Variants in ADGRG5 observed in about 807,000 individuals in gnomAD.
ADGRG5 encodes adhesion G protein-coupled receptor G5, also known as G protein-coupled receptor 114.
ADGRG5 carries 37 observed loss-of-function variants against 53.2 expected under a neutral mutation model. The ratio of observed to expected loss-of-function variants is 0.70; its 90% CI spans 0.53 to 0.91. The LOEUF (loss-of-function observed/expected upper bound fraction) is 0.91, where lower values mean the gene tolerates loss of function less well. ADGRG5 is among the 40% of genes least tolerant of loss of function. The pLI, the probability that ADGRG5 is intolerant of heterozygous loss-of-function variation, is 0.00. For missense variants in ADGRG5, 614 were observed against 675.8 expected (o/e 0.91, Z 1.01); for synonymous variants, 277 against 290.4 (o/e 0.95, Z 0.47).
At chr16:57,563,590 G>A (rs2146798685) in intron 4 of ADGRG5, among the ~76,000 whole-genome samples, 2 of 152,342 alleles carry the variant, frequency 1.3e-5, no homozygotes, top group East Asian at 3.9e-4. Flanking sequence ...AGGGGCTGGG[G>A]CTGGTGCTGG....
chr16:57,555,781 T>C (rs1406754478), intron 1 of ADGRG5, among the ~76,000 whole-genome samples: 1 of 152,242 alleles, frequency 6.6e-6, no homozygotes, highest in African/African-American at 2.4e-5. Context: ...CTTATTGATA[T>C]GGTTTGGCTC....
intron 1 of ADGRG5, among the ~76,000 whole-genome samples, chr16:57,552,856 CTCTT>C (rs1234383046): frequency 6.6e-6 from 1 of 152,100 alleles, no homozygotes; most frequent in East Asian, 1.9e-4. Flanking sequence ...AGATGTGTGA[CTCTT>C]TCTTCTACTT....
chr16:57,539,223 C>T (rs939555071), upstream of ADGRG5, among the ~76,000 whole-genome samples: 4 of 152,152 alleles, frequency 2.6e-5, no homozygotes, highest in East Asian at 1.9e-4. Context: ...GAGCCAGTCA[C>T]GCAAGGACAA....
chr16:57,538,495 A>T (rs959779429), upstream of ADGRG5, among the ~76,000 whole-genome samples: 1 of 151,918 alleles, frequency 6.6e-6, no homozygotes, highest in Non-Finnish European at 1.5e-5. Flanking sequence ...GCCCCAGCTA[A>T]CTTGGGAGGC....
chr16:57,569,596 A>G (rs1372713511), intron 9 of ADGRG5, among the ~76,000 whole-genome samples: 1 of 139,916 alleles, frequency 7.1e-6, no homozygotes, highest in Non-Finnish European at 1.5e-5. Flanking sequence ...CGCCTCCTCC[A>G]TCTCCTCCAC....
chr16:57,563,002 G>GGCCCT (rs2033040004), intron 3 of ADGRG5, 89 bp from the exon 4 acceptor site: 2 of 1,339,354 alleles, frequency 1.5e-6, no homozygotes, highest in Admixed American at 3.4e-5. Flanking sequence ...TGGGTGGGGA[G>GGCCCT]GCCCTGCCCT....
intron 9 of ADGRG5, 56 bp downstream of exon 9, chr16:57,568,180 T>A: frequency 6.4e-7 from 1 of 1,553,730 alleles, no homozygotes; most frequent in Non-Finnish European, 8.8e-7. Flanking sequence ...AGGGTATTGA[T>A]CCCCTTTAGT....
intron 4 of ADGRG5, among the ~76,000 whole-genome samples, 163 bp from the exon 5 acceptor site, chr16:57,563,685 C>G (rs9921158): frequency 0.37 from 56,446 of 151,986 alleles, 11,005 homozygotes; most frequent in East Asian, 0.68. Context: ...GGAGGGAAGG[C>G]CTGGGATCTT....
Position 57,562,297 on chromosome 16 carries a change from G to A in ADGRG5, c.65-87G>A. On this transcript the variant is annotated intron_variant, in intron 2 of 11. Coordinates refer to ENST00000349457, the MANE Select transcript of ADGRG5 (RefSeq NM_001304376.3). ...GGCAGCAGGAGCTGCTTGTGAACTA[G>A]ACTCTCAGGGTGGGATGGAAAGCCC... 4 of 1,417,206 alleles carry A rather than the reference G, an allele frequency of 2.8e-6. No homozygotes were observed. In the South Asian group the frequency reaches 4.8e-5, roughly 17 times the overall value. 87.8% of individuals were successfully genotyped at this position (1,417,206 alleles called of 1,614,324 possible).
chr16:57,563,242 C>T lies in ADGRG5; in HGVS notation c.292C>T (p.Pro98Ser), dbSNP rs1302700400. The T allele has an allele frequency of 6.2e-7, 1 of 1,613,412 alleles. No individual in the cohort carries two copies. The highest frequency in any genetic ancestry group is 1.3e-5 in the African/African-American group (1 of 74,932). The stretch of plus-strand genomic sequence containing the variant: ...GACCAGTGCCACTCTGAAGCGGGTG[C>T]CCCAGGTCAGAGGCTGCGGGTTGGG... ...SLTSATLKRV[P>S]QAGGQHARGQ... is the part of the protein sequence containing the mutation. The change falls in exon 4 of 12, where the codon CCC becomes TCC. Residue 98 changes from proline to serine, a missense_variant. Coordinates refer to ENST00000349457, the MANE Select transcript of ADGRG5 (RefSeq NM_001304376.3).
chr16:57,546,323 G>A (rs2032619573), intron 1 of ADGRG5, among the ~76,000 whole-genome samples: 1 of 152,036 alleles, frequency 6.6e-6, no homozygotes, highest in African/African-American at 2.4e-5. Flanking sequence ...ACAAGATCTT[G>A]CTATGTTGCT....
upstream of ADGRG5, among the ~76,000 whole-genome samples, chr16:57,538,755 C>A (rs1332562292): frequency 6.6e-6 from 1 of 152,224 alleles, no homozygotes; most frequent in Non-Finnish European, 1.5e-5. Flanking sequence ...TCCCACACTT[C>A]AGCAGTTCTG....
chr16:57,553,967 G>T (rs546913297), intron 1 of ADGRG5, among the ~76,000 whole-genome samples: 4 of 152,148 alleles, frequency 2.6e-5, no homozygotes, highest in Non-Finnish European at 5.9e-5. Context: ...ATGTTTGGAA[G>T]AATTAATCAG....
In ADGRG5 at chr16:57,570,428, C is replaced by T. The variant is rs760707873; in HGVS notation, c.1101C>T (p.Ala367=). Residue 367 remains alanine, a synonymous_variant, in exon 10 of 12, where the codon GCC becomes GCT. Coordinates refer to ENST00000349457, the MANE Select transcript of ADGRG5 (RefSeq NM_001304376.3). ...KLGVLGWGAP[A]LLVLLSLSVK... is the part of the protein sequence containing the mutation. ...TGTCCCACCCCTCAGGGGCCCCAGC[C>T]CTCCTGGTGCTGCTTTCCCTCTCTG... 2 of 1,612,236 alleles carry T rather than the reference C, an allele frequency of 1.2e-6. No homozygotes were observed. Among genetic ancestry groups the T allele is most frequent in the Non-Finnish European group, 1.7e-6 (2 of 1,179,700 alleles).
At chr16:57,567,445 C>T in intron 7 of ADGRG5, 25 bp from the exon 8 acceptor site, 1 of 1,603,414 alleles carries the variant, frequency 6.2e-7, no homozygotes, top group Non-Finnish European at 8.5e-7. Flanking sequence ...TGCTTCTGGC[C>T]TCCAGCCCCT....
chr16:57,561,406 T>A (rs1240456388), intron 1 of ADGRG5, among the ~76,000 whole-genome samples: 1 of 152,180 alleles, frequency 6.6e-6, no homozygotes, highest in Non-Finnish European at 1.5e-5. Flanking sequence ...CCCTGTGTCT[T>A]CTTTCATGAT....
upstream of ADGRG5, among the ~76,000 whole-genome samples, chr16:57,540,378 C>T (rs954385875): frequency 6.6e-6 from 1 of 152,164 alleles, no homozygotes; most frequent in Non-Finnish European, 1.5e-5. Flanking sequence ...AAAGTCCTGT[C>T]GGGGTCCCAC....
chr16:57,540,663 G>A (rs1181411071), upstream of ADGRG5, among the ~76,000 whole-genome samples: 1 of 152,208 alleles, frequency 6.6e-6, no homozygotes, highest in East Asian at 1.9e-4. Flanking sequence ...AGGTACATGT[G>A]TGGGACCACA....
At chr16:57,530,251 C>T in the ADGRG5 span, among the ~76,000 whole-genome samples, 2 of 152,172 alleles carry the variant, frequency 1.3e-5, no homozygotes, top group African/African-American at 4.8e-5. Context: ...CTCCCCATCG[C>T]CCAGCACTGG....
Sources: gnomAD v4.1 joint callset for allele counts (sites outside exome capture counted in the v4.1 genomes callset) on GRCh38, gnomAD v4.1.1 for gene constraint, MANE v1.5 for transcripts, NCBI Gene and HGNC (gene_info 2026-07-23, HGNC 2026-07-21) for gene names.